Variants in GYS2 observed in about 807,000 individuals in gnomAD.
GYS2 encodes the protein glycogen synthase 2, also known as glycogen [starch] synthase, liver.
Under a neutral mutation model 85.6 loss-of-function variants are expected in GYS2, and 80 were observed. The ratio of observed to expected loss-of-function variants is 0.93; its 90% CI spans 0.78 to 1.13. GYS2 has a LOEUF of 1.13. GYS2 is among the 50% of genes most tolerant of loss of function. GYS2 has a pLI of 0.00. For missense variants in GYS2, 881 were observed against 854.9 expected, an observed-to-expected ratio of 1.03 and a Z score of -0.38; for synonymous variants, 328 against 300.7, an observed-to-expected ratio of 1.09 and a Z score of -0.94.
At chr12:21,568,813 A>AACATTTT in intron 5 of GYS2, 52 bp downstream of exon 5, 1 of 1,510,018 alleles carries the variant, frequency 6.6e-7, no homozygotes, top group Non-Finnish European at 9.2e-7. Context: ...AAATCCTCAT[A>AACATTTT]GTGTAACATC....
chr12:21,565,240 G>C (rs890352761), intron 5 of GYS2, among the ~76,000 whole-genome samples: 8 of 151,324 alleles, frequency 5.3e-5, no homozygotes, highest in African/African-American at 1.2e-4. Flanking sequence ...AGGAAAAAGA[G>C]AGAAAAAGAG....
rs773596311 is a variant in GYS2, at chr12:21,604,557, C to G, written c.36G>C (p.Leu12=). The G allele has an allele frequency of 1.4e-5, 23 of 1,612,624 alleles. No individual in the cohort carries two copies. The highest frequency in any genetic ancestry group is 1.8e-5 in the Non-Finnish European group (21 of 1,178,982). The change falls in exon 1 of 16, where the codon CTG becomes CTC. Residue 12 remains leucine, a synonymous_variant. Coordinates refer to ENST00000261195, the MANE Select transcript of GYS2 (RefSeq NM_021957.4). ...LRGRSLSVTS[L]GGLPQWEVEE... is the part of the protein sequence containing the mutation. The stretch of plus-strand genomic sequence containing the variant: ...CGACTTCCCACTGGGGAAGCCCACC[C>G]AGGGATGTTACAGAGAGGGATCGGC...
chr12:21,576,019 A>C lies in GYS2; in HGVS notation c.342T>G (p.Tyr114Ter). ...FGRWLIEGSP[Y>*]VVLFDIGYSA... ...AATAGCCTATGTCAAAAAGTACCACATAAGGACTTCCTTCTATCAGCCATC... is the reference window on the plus strand; with the variant it reads ...AATAGCCTATGTCAAAAAGTACCACCTAAGGACTTCCTTCTATCAGCCATC... Residue 114 changes from tyrosine to a stop codon, truncating the protein, a stop_gained, in exon 3 of 16, where the codon TAT becomes TAG. Coordinates refer to ENST00000261195, the MANE Select transcript of GYS2 (RefSeq NM_021957.4). LOFTEE classifies it high-confidence loss of function. 1 of 1,613,776 alleles carries C rather than the reference A, an allele frequency of 6.2e-7. No homozygotes were observed. Among genetic ancestry groups the C allele is most frequent in the Non-Finnish European group, 8.5e-7 (1 of 1,179,838 alleles).
downstream of GYS2, among the ~76,000 whole-genome samples, chr12:21,534,817 T>C (rs954654027): frequency 1.3e-5 from 2 of 152,178 alleles, no homozygotes; most frequent in African/African-American, 2.4e-5. Context: ...TTTTCTATAG[T>C]TCCTGTCCTT....
intron 2 of GYS2, among the ~76,000 whole-genome samples, chr12:21,577,527 C>G (rs1438134983): frequency 6.6e-6 from 1 of 152,164 alleles, no homozygotes; most frequent in East Asian, 1.9e-4. Context: ...AAATGCAAGC[C>G]CTTTCTAACA....
chr12:21,559,829 G>T, intron 8 of GYS2, 119 bp from the exon 9 acceptor site: 8 of 699,548 alleles, frequency 1.1e-5, no homozygotes, highest in South Asian at 6.9e-5. Context: ...GAAATTACAG[G>T]TATCTTTTTT....
intron 1 of GYS2, among the ~76,000 whole-genome samples, chr12:21,599,269 G>A (rs894038172): frequency 2.6e-5 from 4 of 152,124 alleles, no homozygotes; most frequent in South Asian, 4.1e-4. Context: ...CACAGTTGCA[G>A]AAGCAGAGGA....
intron 1 of GYS2, among the ~76,000 whole-genome samples, chr12:21,598,607 A>G (rs968599486): frequency 3.0e-4 from 46 of 152,142 alleles, no homozygotes; most frequent in African/African-American, 9.4e-4. Context: ...ACAAGCTAGA[A>G]TATAAGTGAA....
In GYS2 at chr12:21,560,457, GA is replaced by G; in HGVS notation, c.1097del (p.Phe366SerfsTer15). 6.2e-7 allele frequency: 1 copy of G among 1,601,240 alleles called. No individual in the cohort carries two copies. Among genetic ancestry groups the G allele is most frequent in the Non-Finnish European group, 8.6e-7 (1 of 1,168,378 alleles). ...HKSDITVMVFFIMPAKTNNFN... is the reference protein window; with the variant it reads ...HKSDITVMVFXIMPAKTNNFN... ...AATTATTTGTCTTGGCAGGCATAAT[GA>G]AAAACACCATCACTGTGATGTCACT... is the stretch of plus-strand genomic sequence containing the variant. On this transcript the variant is annotated frameshift_variant, in exon 8 of 16. Coordinates refer to ENST00000261195, the MANE Select transcript of GYS2 (RefSeq NM_021957.4). LOFTEE classifies it high-confidence loss of function.
chr12:21,583,089 C>T (rs2136917025), intron 1 of GYS2, among the ~76,000 whole-genome samples: 1 of 152,284 alleles, frequency 6.6e-6, no homozygotes, highest in East Asian at 1.9e-4. Flanking sequence ...AACTTGCTCA[C>T]CTTTCACTTC....
intron 5 of GYS2, among the ~76,000 whole-genome samples, chr12:21,566,094 A>T (rs1037646815): frequency 1.3e-5 from 2 of 152,190 alleles, no homozygotes; most frequent in Non-Finnish European, 2.9e-5. Flanking sequence ...CCTTTTCAAC[A>T]TCTTAAACTA....
chr12:21,588,909 G>A (rs1944603415), intron 1 of GYS2, among the ~76,000 whole-genome samples: 1 of 152,120 alleles, frequency 6.6e-6, no homozygotes, highest in Admixed American at 6.5e-5. Flanking sequence ...TTAAAGTGTG[G>A]GAGTCACATC....
intron 3 of GYS2, among the ~76,000 whole-genome samples, chr12:21,574,723 G>A (rs1944425872): frequency 6.6e-6 from 1 of 151,800 alleles, no homozygotes; most frequent in Non-Finnish European, 1.5e-5. Flanking sequence ...TTACTTATAA[G>A]CTTATTTTTA....
At chr12:21,573,346 G>A (rs770177645) in intron 4 of GYS2, among the ~76,000 whole-genome samples, 25 of 152,046 alleles carry the variant, frequency 1.6e-4, no homozygotes, top group Non-Finnish European at 3.2e-4. Flanking sequence ...CTGAACCCTA[G>A]AGTACTAAAT....
intron 3 of GYS2, 149 bp downstream of exon 3, chr12:21,575,717 C>T: frequency 2.8e-6 from 2 of 706,356 alleles, no homozygotes; most frequent in Non-Finnish European, 5.1e-6. Flanking sequence ...GAATGCTCAA[C>T]ATTTCCTCAG....
chr12:21,604,445 T>A, intron 1 of GYS2, 27 bp downstream of exon 1: 1 of 1,363,352 alleles, frequency 7.3e-7, no homozygotes, highest in East Asian at 2.3e-5. Context: ...GAAGGTGTAC[T>A]GATCCACCTT....
At chr12:21,545,834 CTT>C (rs1416758041) in intron 12 of GYS2, among the ~76,000 whole-genome samples, 2 of 152,168 alleles carry the variant, frequency 1.3e-5, no homozygotes, top group Admixed American at 1.3e-4. Flanking sequence ...GTGAAGAAGA[CTT>C]TTCACTGTAC....
chr12:21,588,917 A>G (rs550294928), intron 1 of GYS2, among the ~76,000 whole-genome samples: 1 of 152,256 alleles, frequency 6.6e-6, no homozygotes, highest in Admixed American at 6.5e-5. Flanking sequence ...TGGGAGTCAC[A>G]TCTTAGCAAC....
rs746053377 is a variant in GYS2 at position 21,574,129 on chromosome 12, G to A, written c.678+15C>T. On this transcript the variant is annotated intron_variant, in intron 4 of 15. Coordinates refer to ENST00000261195, the MANE Select transcript of GYS2 (RefSeq NM_021957.4). Reference sequence around the variant, plus strand: ...AAGAAGGGTGAGTAAGAGGGAGGGAGGAAGGAATATTTACCTTATCAAGAT... The same window carrying A: ...AAGAAGGGTGAGTAAGAGGGAGGGAAGAAGGAATATTTACCTTATCAAGAT... The A allele has an allele frequency of 1.1e-5, 17 of 1,580,224 alleles. No individual in the cohort carries two copies. The highest frequency in any genetic ancestry group is 2.7e-5 in the African/African-American group (2 of 74,284).
Sources: gnomAD v4.1 joint callset for allele counts (sites outside exome capture counted in the v4.1 genomes callset) on GRCh38, gnomAD v4.1.1 for gene constraint, MANE v1.5 for transcripts, NCBI Gene and HGNC (gene_info 2026-07-23, HGNC 2026-07-21) for gene names.